SYNE3: variants seen among roughly 807,000 people sequenced by gnomAD.
The protein encoded by SYNE3 is spectrin repeat containing nuclear envelope family member 3, also known as nesprin-3.
SYNE3 carries 100 observed loss-of-function variants against 111.2 expected under a neutral mutation model. The observed-to-expected ratio is 0.90, with a 90% CI of 0.77 to 1.06. The LOEUF is 1.06. SYNE3 is among the 50% of genes least tolerant of loss of function. The pLI is 0.00. For synonymous variants in SYNE3, 547 were observed against 533.9 expected (o/e 1.02, Z -0.34); for missense variants, 1,160 against 1,240.3 (o/e 0.94, Z 0.97).
chr14:95,454,859 C>T (rs1161187968), intron 6 of SYNE3, among the ~76,000 whole-genome samples: 4 of 152,128 alleles, frequency 2.6e-5, no homozygotes, highest in African/African-American at 9.7e-5. Flanking sequence ...AGTTCGTATA[C>T]CTCGGGGGAG....
At chr14:95,444,237 G>A (rs1595196819) in intron 10 of SYNE3, 1 of 493,522 alleles carries the variant, frequency 2.0e-6, no homozygotes, top group East Asian at 3.1e-5. Flanking sequence ...TTAGACTTTG[G>A]AACTGAGGAG....
chr14:95,442,805 T>C (rs17092270), intron 11 of SYNE3, among the ~76,000 whole-genome samples: 3,209 of 152,330 alleles, frequency 0.021, 258 homozygotes, highest in Admixed American at 0.16. Flanking sequence ...CAGCCTGCTC[T>C]CTTCTTTTGC....
chr14:95,480,052 A>T (rs931409803), intron 1 of SYNE3, among the ~76,000 whole-genome samples: 23 of 149,100 alleles, frequency 1.5e-4, no homozygotes, highest in African/African-American at 5.7e-4. Context: ...AGATAGGATT[A>T]AAAAATAAAT....
At chr14:95,515,318 G>A (rs899588224) in intron 1 of SYNE3, among the ~76,000 whole-genome samples, 4 of 152,226 alleles carry the variant, frequency 2.6e-5, no homozygotes, top group African/African-American at 7.2e-5. Flanking sequence ...GCATCCCGCT[G>A]GGGCACAGTG....
chr14:95,460,922 T>C (rs1021773832), intron 4 of SYNE3, among the ~76,000 whole-genome samples: 1 of 151,988 alleles, frequency 6.6e-6, no homozygotes, highest in Non-Finnish European at 1.5e-5. Context: ...AAGGATGAGG[T>C]GCTGGCACCC....
rs145273269 is a variant in SYNE3 at position 95,490,015 on chromosome 14, C to T, written c.-14-14180G>A. Among the ~76,000 whole-genome samples, 387 of 152,352 alleles carry T rather than the reference C, an allele frequency of 2.5e-3. 1 individual carries two copies. Among genetic ancestry groups the T allele is most frequent in the African/African-American group, 9.0e-3 (374 of 41,582 alleles). ...CCAACTTGCTCCCAAACCCCAGTTT[C>T]CTCAATGGTCAGAGTGGAGCAATAG... On this transcript the variant is annotated intron_variant, in intron 1 of 17. Coordinates refer to ENST00000682763, the MANE Select transcript of SYNE3 (RefSeq NM_152592.6).
rs1903312087 is a variant in SYNE3 at position 95,407,551 on chromosome 14, C to A, written c.*10275G>T. 6.6e-6 allele frequency: 1 copy of A among 152,144 alleles called. No individual in the cohort carries two copies. Among genetic ancestry groups the A allele is most frequent in the South Asian group, 2.1e-4 (1 of 4,826 alleles). The allele number at this position is 152,144 out of a possible 1,614,324, so 9.4% of individuals were successfully genotyped here. A position where few individuals can be genotyped will look rare whatever the true frequency, so the allele number is the denominator to read the frequency against. On this transcript the variant is annotated 3_prime_UTR_variant, in exon 18 of 18. Coordinates refer to ENST00000682763, the MANE Select transcript of SYNE3 (RefSeq NM_152592.6). The stretch of plus-strand genomic sequence containing the variant: ...ATGTTCCGAGACAGTCGTTTGGCTC[C>A]AATACTGCTTGCCTTCCCAGAAAGC...
intron 17 of SYNE3, among the ~76,000 whole-genome samples, chr14:95,430,808 G>A (rs1388913542): frequency 6.9e-6 from 1 of 144,700 alleles, no homozygotes; most frequent in Non-Finnish European, 1.5e-5. Context: ...TGTGTGACAG[G>A]AGACTCTGTC....
At chr14:95,490,114 C>A (rs952929969) in intron 1 of SYNE3, among the ~76,000 whole-genome samples, 4 of 152,208 alleles carry the variant, frequency 2.6e-5, no homozygotes, top group African/African-American at 9.7e-5. Context: ...GACAAGGCAA[C>A]GTCCGATTCA....
At chr14:95,474,866 T>A (rs1888783309) in intron 2 of SYNE3, among the ~76,000 whole-genome samples, 2 of 152,104 alleles carry the variant, frequency 1.3e-5, no homozygotes. Flanking sequence ...CACCCCACAC[T>A]AAGAGCAACC....
chr14:95,452,211 AC>A (rs11362194), intron 7 of SYNE3, 35 bp downstream of exon 7: 628,094 of 1,539,842 alleles, frequency 0.41, 131,401 homozygotes, highest in Admixed American at 0.54. Context: ...GTTCCAGCAC[AC>A]CCTGAGTCCC....
Position 95,412,032 on chromosome 14 carries a change from C to G in SYNE3, c.*5794G>C, listed in dbSNP as rs1216637301. 1.3e-5 allele frequency: 2 copies of G among 152,456 alleles called. No individual in the cohort carries two copies. Among genetic ancestry groups the G allele is most frequent in the Admixed American group, 1.3e-4 (2 of 15,294 alleles). 9.4% of individuals were successfully genotyped at this position (152,456 alleles called of 1,614,324 possible). A position where few individuals can be genotyped will look rare whatever the true frequency, so the allele number is the denominator to read the frequency against. On this transcript the variant is annotated 3_prime_UTR_variant, in exon 18 of 18. Transcript: ENST00000682763. ...TCCCCTTGAAGCCTCCAGGAGCCTC[C>G]CAAGCTGTGTTGTTCTGTGACCCAG...
chr14:95,481,249 C>T lies in SYNE3; in HGVS notation c.-14-5414G>A, dbSNP rs528823231. Among the ~76,000 whole-genome samples, 11 of 152,306 alleles carry T rather than the reference C, an allele frequency of 7.2e-5. No homozygotes were observed. In the South Asian group the frequency reaches 2.3e-3, roughly 32 times the overall value. On this transcript the variant is annotated intron_variant, in intron 1 of 17. Transcript: ENST00000682763. ...AGATTCTCACTAGACCATATTGACT[C>T]CAAAATAAAGTTGAACTTCACCTAC...
At position 95,443,275 on chromosome 14, in the gene SYNE3, C is replaced by T. The variant is rs377558717; in HGVS notation, c.1791G>A (p.Glu597=). 1.5e-5 allele frequency: 24 copies of T among 1,614,090 alleles called. No homozygotes were observed. The highest frequency in any genetic ancestry group is 1.9e-5 in the Non-Finnish European group (23 of 1,180,028). ...CCATCTGTGCCCCCAAGTCCAGCCC[C>T]TCTTCCTGCAGCCCCTGCAGTAGAG... ...QLSRLQGLQE[E]GLDLGAQMEA... Residue 597 remains glutamate (E), a synonymous_variant, in exon 11 of 18, where the codon GAG becomes GAA. Coordinates refer to ENST00000682763, the MANE Select transcript of SYNE3 (RefSeq NM_152592.6).
At chr14:95,493,963 A>G (rs753480068) in intron 1 of SYNE3, among the ~76,000 whole-genome samples, 1 of 152,134 alleles carries the variant, frequency 6.6e-6, no homozygotes, top group East Asian at 1.9e-4. Context: ...ACTGAAGCTG[A>G]GCAGTTTCAT....
intron 1 of SYNE3, among the ~76,000 whole-genome samples, chr14:95,477,718 G>A (rs879453084): frequency 4.0e-5 from 6 of 149,966 alleles, no homozygotes; most frequent in Non-Finnish European, 1.5e-5. Flanking sequence ...TTCTCCCAGT[G>A]AGTTGCTTTC....
chr14:95,460,367 GTTTTTTTTTTTTTTT>G, intron 4 of SYNE3, among the ~76,000 whole-genome samples: 1 of 85,244 alleles, frequency 1.2e-5, no homozygotes, highest in South Asian at 5.3e-4. Flanking sequence ...ACGATGCCTA[GTTTTTTTTTTTTTTT>G]TTTTTTTTTG....
intron 17 of SYNE3, among the ~76,000 whole-genome samples, chr14:95,421,548 A>G (rs1235207864): frequency 6.6e-5 from 10 of 152,262 alleles, no homozygotes; most frequent in Non-Finnish European, 2.9e-5. Flanking sequence ...CTGTTGGGAG[A>G]GAGTGATACT....
intron 2 of SYNE3, among the ~76,000 whole-genome samples, chr14:95,469,567 CG>C (rs1393866061): frequency 1.3e-5 from 2 of 150,248 alleles, no homozygotes; most frequent in East Asian, 3.9e-4. Context: ...AAAAATTAGC[CG>C]GATGTAGTGG....
Sources: allele counts gnomAD v4.1 joint callset (sites outside exome capture counted in the v4.1 genomes callset), GRCh38; gene constraint gnomAD v4.1.1; transcripts MANE v1.5; gene names NCBI Gene and HGNC (gene_info 2026-07-23, HGNC 2026-07-21).